The following DNAI2 variants were observed in gnomAD, a reference collection of about 807,000 sequenced individuals.
DNAI2 encodes the protein dynein, axonemal, intermediate polypeptide 2.
Under a neutral mutation model 74.7 loss-of-function variants are expected in DNAI2, and 63 were observed. That is an observed-to-expected ratio of 0.84 (90% CI 0.69 to 1.04). The LOEUF is 1.04. DNAI2 is among the 50% of genes least tolerant of loss of function. The probability of loss-of-function intolerance (pLI) is 0.00; values close to 1 mark genes in which losing one functional copy is unlikely to be tolerated. For missense variants in DNAI2, 688 were observed against 803.2 expected (o/e 0.86, Z 1.73); for synonymous variants, 289 against 314.9 (o/e 0.92, Z 0.87).
intron 12 of DNAI2, among the ~76,000 whole-genome samples, chr17:74,313,433 G>A (rs1478722562): frequency 6.6e-6 from 1 of 152,132 alleles, no homozygotes. Context: ...TAGAATCCTG[G>A]ATTCTGACGC....
chr17:74,300,771 G>A lies in DNAI2; in HGVS notation c.865-275G>A, dbSNP rs2052714252. Among the ~76,000 whole-genome samples, 1 of 152,176 alleles carries A rather than the reference G, an allele frequency of 6.6e-6. No homozygotes were observed. Among genetic ancestry groups the A allele is most frequent in the African/African-American group, 2.4e-5 (1 of 41,438 alleles). ...GAGTCTTGGCATATACCGATTCTTG[G>A]CCTTGCACCTGGAGGTTTTGATTCA... On this transcript the variant is annotated intron_variant, in intron 7 of 13. Transcript: ENST00000311014. This position sits in a 1 kb window ranked among gnomAD's most constrained non-coding sequence, Gnocchi z 4.5.
intron 8 of DNAI2, among the ~76,000 whole-genome samples, chr17:74,303,349 G>A (rs1019330329): frequency 2.0e-5 from 3 of 152,224 alleles, no homozygotes; most frequent in East Asian, 1.9e-4. Context: ...GCTCACTGAC[G>A]GGCGGCGTGC....
intron 9 of DNAI2, among the ~76,000 whole-genome samples, chr17:74,308,429 C>T (rs2053310387): frequency 6.6e-6 from 1 of 152,208 alleles, no homozygotes; most frequent in African/African-American, 2.4e-5. Context: ...AGTCCCAGGG[C>T]TGGGACCAGG....
At chr17:74,288,422 T>A (rs1197893686) in intron 4 of DNAI2, among the ~76,000 whole-genome samples, 1 of 152,216 alleles carries the variant, frequency 6.6e-6, no homozygotes, top group African/African-American at 2.4e-5. Flanking sequence ...ATAAGGAGCA[T>A]CTGTATATGT....
rs143982327 is a variant in DNAI2, at chr17:74,289,420, G to A, written c.468-174G>A. Reference sequence around the variant, plus strand: ...TGTGCGCCTGTAATCGTAGCTACTCGGGAGGCTGAGGCAGGAGAATTGTTT... The same window carrying A: ...TGTGCGCCTGTAATCGTAGCTACTCAGGAGGCTGAGGCAGGAGAATTGTTT... On this transcript the variant is annotated intron_variant, in intron 4 of 13. Transcript: ENST00000311014. Among the ~76,000 whole-genome samples, 434 of 152,120 alleles carry A rather than the reference G, an allele frequency of 2.9e-3. 7 individuals are homozygous for A. In the East Asian group the frequency reaches 0.053, roughly 19 times the overall value.
At chr17:74,288,305 G>T (rs144018987) in intron 4 of DNAI2, among the ~76,000 whole-genome samples, 11 of 152,316 alleles carry the variant, frequency 7.2e-5, no homozygotes, top group Non-Finnish European at 1.5e-4. Flanking sequence ...GAGCACATAG[G>T]CTGGACTAAG....
intron 2 of DNAI2, among the ~76,000 whole-genome samples, chr17:74,282,323 T>TTA (rs2051444732): frequency 6.6e-6 from 1 of 151,586 alleles, no homozygotes; most frequent in Non-Finnish European, 1.5e-5. Flanking sequence ...ATTTTTTTTT[T>TTA]AAACAGGGTC....
At chr17:74,282,850 C>T (rs746651381) in intron 2 of DNAI2, among the ~76,000 whole-genome samples, 10 of 152,220 alleles carry the variant, frequency 6.6e-5, no homozygotes, top group Middle Eastern at 3.2e-3. Flanking sequence ...GGCCAAAACA[C>T]GTCCAACAGT....
intron 8 of DNAI2, among the ~76,000 whole-genome samples, chr17:74,302,514 C>T (rs562198173): frequency 5.5e-4 from 83 of 152,186 alleles, no homozygotes; most frequent in African/African-American, 1.9e-3. Flanking sequence ...TTGCGGTGAG[C>T]CAAGATCGCA....
intron 6 of DNAI2, among the ~76,000 whole-genome samples, chr17:74,297,920 A>G (rs2052544212): frequency 6.6e-6 from 1 of 152,124 alleles, no homozygotes; most frequent in Non-Finnish European, 1.5e-5. Flanking sequence ...ATGGCTGAGA[A>G]ACTCCTCCTC....
chr17:74,302,086 G>A (rs199987940), intron 8 of DNAI2, among the ~76,000 whole-genome samples: 11 of 109,360 alleles, frequency 1.0e-4, no homozygotes, highest in East Asian at 2.6e-4. Flanking sequence ...AAGGAAGGAA[G>A]GAAGGAAGGA....
chr17:74,274,849 G>A (rs759604794), intron 1 of DNAI2, among the ~76,000 whole-genome samples: 1 of 152,162 alleles, frequency 6.6e-6, no homozygotes, highest in Non-Finnish European at 1.5e-5. Context: ...GGGAGCTGGC[G>A]TTCTCGTGTG....
chr17:74,284,894 TG>T, intron 2 of DNAI2, 145 bp from the exon 3 acceptor site: 1 of 1,028,120 alleles, frequency 9.7e-7, no homozygotes, highest in Non-Finnish European at 1.5e-6. Context: ...GGAATTTCCT[TG>T]CCTGCATTTG....
chr17:74,308,093 C>G (rs1474122176), intron 9 of DNAI2, among the ~76,000 whole-genome samples: 1 of 152,178 alleles, frequency 6.6e-6, no homozygotes, highest in Non-Finnish European at 1.5e-5. Context: ...CCACCGCGCC[C>G]GGCCCAGATC....
chr17:74,312,174 A>G lies in DNAI2; in HGVS notation c.1666A>G (p.Ile556Val), dbSNP rs2053565446. Reference sequence around the variant, plus strand: ...GGCCGAGGAGGAGTTCTTCGACATCATCTTCGCAGAGCTGAAGAAGAAGGA... The same window carrying G: ...GGCCGAGGAGGAGTTCTTCGACATCGTCTTCGCAGAGCTGAAGAAGAAGGA... ...SKAEEEFFDI[I>V]FAELKKKEAD... Residue 556 changes from isoleucine (I) to valine (V), a missense_variant, in exon 12 of 14, where the codon ATC (isoleucine) becomes GTC (valine). Transcript: ENST00000311014. 6.2e-7 allele frequency: 1 copy of G among 1,602,620 alleles called. No homozygotes were observed. Among genetic ancestry groups the G allele is most frequent in the East Asian group, 2.3e-5 (1 of 43,958 alleles).
intron 12 of DNAI2, among the ~76,000 whole-genome samples, chr17:74,313,541 G>A (rs2053653733): frequency 6.6e-6 from 1 of 152,158 alleles, no homozygotes; most frequent in South Asian, 2.1e-4. Flanking sequence ...ATGGTGGCTG[G>A]TAGGCACCAT....
chr17:74,304,889 A>T (rs993999964), intron 8 of DNAI2, among the ~76,000 whole-genome samples: 1 of 152,190 alleles, frequency 6.6e-6, no homozygotes, highest in African/African-American at 2.4e-5. Flanking sequence ...CTCTGTAAAC[A>T]AACATTCAGG....
chr17:74,303,755 T>C (rs1329103065), intron 8 of DNAI2, among the ~76,000 whole-genome samples: 2 of 152,152 alleles, frequency 1.3e-5, no homozygotes, highest in East Asian at 3.8e-4. Context: ...AGAGATTTTA[T>C]ATTTATCATT....
intron 9 of DNAI2, among the ~76,000 whole-genome samples, chr17:74,307,620 G>A (rs150334665): frequency 0.016 from 2,414 of 151,908 alleles, 62 homozygotes; most frequent in African/African-American, 0.054. Flanking sequence ...CCGAGATTGC[G>A]CCACTGCACT....
Sources: gnomAD v4.1 joint callset for allele counts (sites outside exome capture counted in the v4.1 genomes callset) on GRCh38, gnomAD v4.1.1 for gene constraint, Gnocchi (gnomAD v3.1) non-coding constraint, MANE v1.5 for transcripts, NCBI Gene and HGNC (gene_info 2026-07-23, HGNC 2026-07-21) for gene names.